The following ITGAM variants were observed in gnomAD, a reference collection of about 807,000 sequenced individuals.
The protein encoded by ITGAM is integrin alpha-M.
In ITGAM, 79 loss-of-function variants were observed where a neutral mutation model predicts 137.5. That is an observed-to-expected ratio of 0.57 (90% confidence interval 0.48 to 0.69). The LOEUF is 0.69. Among genes scored for constraint, ITGAM ranks in the 30% least tolerant of loss-of-function variants. The probability of loss-of-function intolerance (pLI) is 0.00; values close to 1 mark genes in which losing one functional copy is unlikely to be tolerated. For synonymous variants in ITGAM, 583 were observed against 592.3 expected, an observed-to-expected ratio of 0.98 and a Z score of 0.23; for missense variants, 1,343 against 1,483.5, an observed-to-expected ratio of 0.91 and a Z score of 1.56.
intron 5 of ITGAM, among the ~76,000 whole-genome samples, chr16:31,267,382 C>G (rs576217787): frequency 6.6e-6 from 1 of 152,124 alleles, no homozygotes; most frequent in Non-Finnish European, 1.5e-5. Context: ...AAAACAAAAG[C>G]TTCAGGCATG....
chr16:31,322,614 T>C (rs1258280174), intron 16 of ITGAM, among the ~76,000 whole-genome samples: 3 of 152,182 alleles, frequency 2.0e-5, no homozygotes, highest in African/African-American at 7.2e-5. Context: ...GGTCTTTCCA[T>C]TGAGACAACT....
intron 2 of ITGAM, 87 bp from the exon 3 acceptor site, chr16:31,265,308 A>T: frequency 1.6e-6 from 1 of 616,732 alleles, no homozygotes; most frequent in Admixed American, 3.9e-5. Flanking sequence ...ATGGGCCCCC[A>T]CCGTCCTCTG....
intron 14 of ITGAM, among the ~76,000 whole-genome samples, chr16:31,317,446 G>A (rs2080404602): frequency 6.6e-6 from 1 of 152,126 alleles, no homozygotes; most frequent in South Asian, 2.1e-4. Context: ...AATAGGATTA[G>A]TGCCCTTAGA....
chr16:31,314,504 T>C (rs2080369681), intron 14 of ITGAM, among the ~76,000 whole-genome samples: 1 of 152,196 alleles, frequency 6.6e-6, no homozygotes, highest in South Asian at 2.1e-4. Flanking sequence ...CCCCATTTCC[T>C]GCTTTTGTCA....
In ITGAM at chr16:31,287,816, A is replaced by G. The variant is rs778976681; in HGVS notation, c.1357-9698A>G. ...TTGATGGTGTCAATGCCTGACATGT[A>G]TAAGGGATGGGGTGGGGAAAAAAGT... On this transcript the variant is annotated intron_variant, in intron 12 of 29. Transcript: ENST00000544665. Among the ~76,000 whole-genome samples, 17 of 150,678 alleles carry G rather than the reference A, an allele frequency of 1.1e-4. No individual in the cohort carries two copies. The East Asian group carries it at 1.5e-3, about 14-fold the overall frequency.
At chr16:31,263,802 AATTTATTTATTT>A (rs61363590) in intron 2 of ITGAM, among the ~76,000 whole-genome samples, 13,158 of 129,692 alleles carry the variant, frequency 0.1, 865 homozygotes, top group Non-Finnish European at 0.15. Flanking sequence ...CACATACAAA[AATTTATTTATTT>A]ATTTATTTAT....
intron 2 of ITGAM, 40 bp from the exon 3 acceptor site, chr16:31,265,355 C>G (rs767563231): frequency 9.8e-6 from 12 of 1,223,614 alleles, no homozygotes; most frequent in Admixed American, 2.5e-5. Context: ...CTTCTCTCCC[C>G]ACATGTCGAA....
At chr16:31,272,856 T>C in intron 7 of ITGAM, among the ~76,000 whole-genome samples, 1 of 151,932 alleles carries the variant, frequency 6.6e-6, no homozygotes, top group Admixed American at 6.6e-5. Flanking sequence ...ACAAAAACCG[T>C]GAAGGCTTCC....
At chr16:31,296,885 T>C (rs998609003) in intron 12 of ITGAM, among the ~76,000 whole-genome samples, 3 of 152,238 alleles carry the variant, frequency 2.0e-5, no homozygotes, top group Non-Finnish European at 2.9e-5. Context: ...TATTTCTTAA[T>C]ATCACAACAA....
chr16:31,277,333 C>T (rs2079918763), intron 11 of ITGAM, among the ~76,000 whole-genome samples: 1 of 151,146 alleles, frequency 6.6e-6, no homozygotes, highest in Admixed American at 6.6e-5. Context: ...GCTGGTATTA[C>T]AAGAATGCAC....
chr16:31,329,075 C>CA, intron 23 of ITGAM, 153 bp from the exon 24 acceptor site: 1 of 316,910 alleles, frequency 3.2e-6, no homozygotes, highest in Non-Finnish European at 6.4e-6. Context: ...ACATTGGTTC[C>CA]CCCATCCCCC....
chr16:31,330,731 G>C, intron 28 of ITGAM, 126 bp downstream of exon 28: 6 of 677,260 alleles, frequency 8.9e-6, no homozygotes, highest in Non-Finnish European at 1.5e-5. Context: ...GAGAGACAGA[G>C]AGATACAGAG....
At chr16:31,266,178 C>T (rs200856969) in intron 5 of ITGAM, 31 bp downstream of exon 5, 23 of 1,481,890 alleles carry the variant, frequency 1.6e-5, no homozygotes, top group Admixed American at 5.0e-5. Context: ...GGAACAGATG[C>T]GCAGCAAAAG....
chr16:31,314,240 C>A (rs1048742985), intron 14 of ITGAM, among the ~76,000 whole-genome samples: 2 of 152,104 alleles, frequency 1.3e-5, no homozygotes, highest in African/African-American at 4.8e-5. Context: ...TTAATTAGAT[C>A]TCATTTGTCA....
In ITGAM at chr16:31,329,266, C is replaced by G; in HGVS notation, c.2831C>G (p.Ser944Ter). 1 of 1,613,226 alleles carries G rather than the reference C, an allele frequency of 6.2e-7. No individual in the cohort carries two copies. Among genetic ancestry groups the G allele is most frequent in the African/African-American group, 1.3e-5 (1 of 74,978 alleles). The change falls in exon 24 of 30, where the codon TCA (serine) becomes TGA (stop). Residue 944 changes from serine (S) to a stop codon, truncating the protein, a stop_gained. Coordinates refer to ENST00000544665, the MANE Select transcript of ITGAM (RefSeq NM_000632.4). LOFTEE classifies it high-confidence loss of function. ...VSTKYLNFTA[S>*]ENTSRVMQHQ... The stretch of plus-strand genomic sequence containing the variant: ...ACTAAATATCTCAACTTCACGGCCT[C>G]AGAGAATACCAGTCGGGTCATGCAG...
chr16:31,311,530 A>T (rs1456272056), intron 14 of ITGAM, among the ~76,000 whole-genome samples: 2 of 152,250 alleles, frequency 1.3e-5, no homozygotes, highest in Non-Finnish European at 2.9e-5. Flanking sequence ...AGACACATGA[A>T]AAAATGCTCA....
intron 19 of ITGAM, 78 bp from the exon 20 acceptor site, chr16:31,325,185 G>A (rs2080494404): frequency 4.6e-6 from 7 of 1,534,080 alleles, no homozygotes; most frequent in Non-Finnish European, 4.4e-6. Flanking sequence ...AAGTGTCTGC[G>A]TCTCTGTTCT....
At position 31,328,293 on chromosome 16, in the gene ITGAM, T is replaced by A. The variant is rs933587410; in HGVS notation, c.2792+63T>A. 2.4e-6 allele frequency: 3 copies of A among 1,248,920 alleles called. No individual in the cohort carries two copies. The East Asian group carries it at 6.9e-5, about 29-fold the overall frequency. 77.4% of individuals were successfully genotyped at this position (1,248,920 alleles called of 1,614,324 possible). Reference sequence around the variant, plus strand: ...TGGGCTGGACATGGCTGATTGTGCATCTGTGTGCATGAGTCTGTGCATGTG... The same window carrying A: ...TGGGCTGGACATGGCTGATTGTGCAACTGTGTGCATGAGTCTGTGCATGTG... On this transcript the variant is annotated intron_variant, in intron 23 of 29. Transcript: ENST00000544665.
Position 31,304,998 on chromosome 16 carries a change from A to G in ITGAM, c.1707+7044A>G, listed in dbSNP as rs373297840. ...GATTGTTTTATTCTAGTTATGTGAA[A>G]AATGATGTTGGTATTTTGATGGGAA... On this transcript the variant is annotated intron_variant, in intron 14 of 29. Coordinates refer to ENST00000544665, the MANE Select transcript of ITGAM (RefSeq NM_000632.4). 7.2e-5 allele frequency among the ~76,000 whole-genome samples: 11 copies of G among 152,140 alleles called. 1 individual carries two copies. Among genetic ancestry groups the G allele is most frequent in the Middle Eastern group, 6.8e-3 (2 of 292 alleles).
Sources: gnomAD v4.1 joint callset for allele counts (sites outside exome capture counted in the v4.1 genomes callset) on GRCh38, gnomAD v4.1.1 for gene constraint, MANE v1.5 for transcripts, NCBI Gene and HGNC (gene_info 2026-07-23, HGNC 2026-07-21) for gene names.